Variants in AP1G1 observed in about 807,000 individuals in gnomAD.
AP1G1 encodes the protein AP-1 complex subunit gamma-1.
In AP1G1, 7 loss-of-function variants were observed where a neutral mutation model predicts 108.3. The ratio of observed to expected loss-of-function variants is 0.06; its 90% CI spans 0.04 to 0.12. The LOEUF (loss-of-function observed/expected upper bound fraction) is 0.12, where lower values mean the gene tolerates loss of function less well. AP1G1 is among the 10% of genes least tolerant of loss of function. The pLI is 1.00. For missense variants in AP1G1, 756 were observed against 1,010.7 expected, an observed-to-expected ratio of 0.75 and a Z score of 3.42; for synonymous variants, 379 against 353.5, an observed-to-expected ratio of 1.07 and a Z score of -0.81.
intron 19 of AP1G1, 83 bp downstream of exon 19, chr16:71,745,061 T>G: frequency 2.0e-6 from 3 of 1,485,966 alleles, no homozygotes; most frequent in Non-Finnish European, 2.8e-6. Context: ...ATGATTCACG[T>G]GCTGGAAAGT....
intron 2 of AP1G1, among the ~76,000 whole-genome samples, chr16:71,782,881 C>G (rs923040655): frequency 3.3e-5 from 5 of 152,098 alleles, no homozygotes; most frequent in African/African-American, 1.2e-4. Context: ...TCTTTGCAGT[C>G]TTTCTTGCTT....
intron 1 of AP1G1, among the ~76,000 whole-genome samples, chr16:71,790,818 G>A (rs2055494333): frequency 6.6e-6 from 1 of 152,116 alleles, no homozygotes; most frequent in African/African-American, 2.4e-5. Context: ...TTGCAAACAG[G>A]TTAAACAGAG....
At chr16:71,756,950 T>C (rs1325595878) in intron 11 of AP1G1, among the ~76,000 whole-genome samples, 1 of 144,608 alleles carries the variant, frequency 6.9e-6, no homozygotes, top group African/African-American at 2.6e-5. Flanking sequence ...AAAAAAAAAT[T>C]CAAAGGGAAA....
chr16:71,774,703 G>C, intron 2 of AP1G1, 111 bp from the exon 3 acceptor site: 2 of 1,161,120 alleles, frequency 1.7e-6, no homozygotes, highest in Non-Finnish European at 2.4e-6. Context: ...GTACAAATGT[G>C]TTTCATCAAA....
intron 21 of AP1G1, among the ~76,000 whole-genome samples, chr16:71,737,106 T>C (rs2045560194): frequency 6.6e-6 from 1 of 152,170 alleles, no homozygotes; most frequent in Non-Finnish European, 1.5e-5. Flanking sequence ...AACTTATTTA[T>C]TCCTTTAAGC....
chr16:71,766,543 A>T (rs1279955835), intron 6 of AP1G1: 1 of 387,520 alleles, frequency 2.6e-6, no homozygotes, highest in African/African-American at 2.1e-5. Flanking sequence ...TATATAAACA[A>T]CTCTAATGAC....
At chr16:71,753,249 G>C (rs2030601754) in intron 13 of AP1G1, among the ~76,000 whole-genome samples, 2 of 152,150 alleles carry the variant, frequency 1.3e-5, no homozygotes, top group Admixed American at 1.3e-4. Context: ...GAATGCCAAA[G>C]AAAGGATCCC....
rs1176513326 is a variant in AP1G1 at position 71,774,459 on chromosome 16, A to G, written c.326+9T>C. On this transcript the variant is annotated intron_variant, in intron 3 of 22. Coordinates refer to ENST00000299980, the MANE Select transcript of AP1G1 (RefSeq NM_001128.6). ...AACAGTTGTTAGAAGAAAGAAAAGT[A>G]AGACTTACTTCTTGATACAGTTGGT... is the stretch of plus-strand genomic sequence containing the variant. 1 of 1,589,300 alleles carries G rather than the reference A, an allele frequency of 6.3e-7. No homozygotes were observed.
At chr16:71,734,836 C>A in intron 21 of AP1G1, 129 bp from the exon 22 acceptor site, 1 of 702,986 alleles carries the variant, frequency 1.4e-6, no homozygotes, top group Non-Finnish European at 2.5e-6. Context: ...GTTTTGCCTA[C>A]TACTTGTTTT....
intron 12 of AP1G1, among the ~76,000 whole-genome samples, chr16:71,754,315 AAAAG>A (rs1026499202): frequency 1.1e-3 from 172 of 151,284 alleles, no homozygotes; most frequent in African/African-American, 3.9e-3. Context: ...GAAGGAACAA[AAAAG>A]AGAGAGAAAG....
chr16:71,764,098 C>T (rs372404175), intron 9 of AP1G1, among the ~76,000 whole-genome samples: 1 of 152,286 alleles, frequency 6.6e-6, no homozygotes, highest in East Asian at 1.9e-4. Context: ...TCAAGGTTAA[C>T]GTCACCAATG....
chr16:71,778,006 T>C (rs2031856706), intron 2 of AP1G1, among the ~76,000 whole-genome samples: 1 of 152,220 alleles, frequency 6.6e-6, no homozygotes, highest in South Asian at 2.1e-4. Context: ...CACCAGTGAC[T>C]GACGAATACA....
chr16:71,781,466 T>C (rs1163520112), intron 2 of AP1G1, among the ~76,000 whole-genome samples: 1 of 152,222 alleles, frequency 6.6e-6, no homozygotes, highest in Non-Finnish European at 1.5e-5. Context: ...AAGTCTTCTG[T>C]GTACTGGGCC....
rs2045463984 is a variant in AP1G1 at position 71,730,222 on chromosome 16, G to A, written c.*2836C>T. ...CAAGGTAACAGCACCAAAGCACTGT[G>A]GGAGAAGCTTCTCAGGGAGAGCACC... On this transcript the variant is annotated 3_prime_UTR_variant, in exon 23 of 23. Coordinates refer to ENST00000299980, the MANE Select transcript of AP1G1 (RefSeq NM_001128.6). 1 of 152,594 alleles carries A rather than the reference G, an allele frequency of 6.6e-6. No homozygotes were observed. The highest frequency in any genetic ancestry group is 1.5e-5 in the Non-Finnish European group (1 of 68,024). 9.5% of individuals were successfully genotyped at this position (152,594 alleles called of 1,614,324 possible). A position where few individuals can be genotyped will look rare whatever the true frequency, so the allele number is the denominator to read the frequency against.
At chr16:71,778,682 TA>T (rs11285281) in intron 2 of AP1G1, among the ~76,000 whole-genome samples, 108,504 of 127,516 alleles carry the variant, frequency 0.85, 45,955 homozygotes, top group East Asian at 0.98. Context: ...GATTCTGTCT[TA>T]AAAAAAAAAA....
chr16:71,799,935 T>C (rs1175945088), intron 1 of AP1G1, among the ~76,000 whole-genome samples: 1 of 140,368 alleles, frequency 7.1e-6, no homozygotes, highest in Non-Finnish European at 1.5e-5. Context: ...TAAAAAATTA[T>C]ATTGGCTGGG....
chr16:71,745,945 C>A (rs2030151802), intron 17 of AP1G1, among the ~76,000 whole-genome samples: 1 of 151,930 alleles, frequency 6.6e-6, no homozygotes, highest in South Asian at 2.1e-4. Context: ...AAAAGATGAC[C>A]CAAACACTAG....
At chr16:71,765,274 G>A (rs1223930014) in intron 7 of AP1G1, among the ~76,000 whole-genome samples, 2 of 152,142 alleles carry the variant, frequency 1.3e-5, no homozygotes, top group Non-Finnish European at 2.9e-5. Context: ...CTGCAGTGAG[G>A]CAAGATTGTG....
intron 1 of AP1G1, among the ~76,000 whole-genome samples, chr16:71,799,903 AT>A (rs1410552237): frequency 1.8e-4 from 16 of 88,328 alleles, no homozygotes; most frequent in Non-Finnish European, 3.7e-4. Context: ...CATCTTAAAA[AT>A]AATAATAATA....
Sources: allele counts gnomAD v4.1 joint callset (sites outside exome capture counted in the v4.1 genomes callset), GRCh38; gene constraint gnomAD v4.1.1; transcripts MANE v1.5; gene names NCBI Gene and HGNC (gene_info 2026-07-23, HGNC 2026-07-21).